The following STON1 variants were observed in gnomAD, a reference collection of about 807,000 sequenced individuals.
STON1 encodes the protein stonin-1.
A neutral mutation model predicts 60.9 loss-of-function variants in STON1; 79 were observed. The ratio of observed to expected loss-of-function variants is 1.30; its 90% confidence interval spans 1.08 to 1.56. STON1 has a LOEUF of 1.56. Among genes scored for constraint, STON1 ranks in the 40% most tolerant of loss-of-function variants. The pLI is 0.00. For synonymous variants in STON1, 363 were observed against 306.9 expected (o/e 1.18, Z -1.91); for missense variants, 1,166 against 858.9 (o/e 1.36, Z -4.47).
intron 1 of STON1, among the ~76,000 whole-genome samples, chr2:48,548,754 C>A (rs373407727): frequency 1.3e-5 from 2 of 152,130 alleles, no homozygotes; most frequent in Non-Finnish European, 1.5e-5. Flanking sequence ...CCTGCCTCAC[C>A]CTCCCAAAGT....
intron 2 of STON1, among the ~76,000 whole-genome samples, chr2:48,591,005 C>T (rs1242589133): frequency 6.6e-6 from 1 of 151,892 alleles, no homozygotes; most frequent in African/African-American, 2.4e-5. Context: ...TTTGAGTTAT[C>T]TGTAAATAGA....
chr2:48,555,370 G>GCTGAC (rs1672294702), intron 1 of STON1, among the ~76,000 whole-genome samples: 1 of 55,894 alleles, frequency 1.8e-5, no homozygotes, highest in Admixed American at 1.5e-4. Context: ...CGGGCAGAGG[G>GCTGAC]GCTCCTCACT....
chr2:48,542,570 C>T (rs570839097), intron 1 of STON1, among the ~76,000 whole-genome samples: 91 of 152,322 alleles, frequency 6.0e-4, no homozygotes, highest in Non-Finnish European at 1.1e-3. Flanking sequence ...ATTATCTCCA[C>T]TCTCCTATTC....
intron 1 of STON1, among the ~76,000 whole-genome samples, chr2:48,538,044 C>T (rs553273348): frequency 6.6e-6 from 1 of 151,752 alleles, no homozygotes; most frequent in East Asian, 2.0e-4. Flanking sequence ...ACCTCCGACT[C>T]CCGGGTTCAA....
intron 1 of STON1, among the ~76,000 whole-genome samples, chr2:48,542,786 C>A (rs1671705442): frequency 6.6e-6 from 1 of 152,010 alleles, no homozygotes; most frequent in African/African-American, 2.4e-5. Context: ...TGCGTGTAAT[C>A]CCAGCTACTC....
intron 1 of STON1, among the ~76,000 whole-genome samples, chr2:48,570,505 T>C (rs1673148498): frequency 6.6e-6 from 1 of 152,156 alleles, no homozygotes; most frequent in Non-Finnish European, 1.5e-5. Context: ...TCCCTAAATA[T>C]GGGGAGTGCT....
rs775881762 is a variant in STON1 at position 48,577,915 on chromosome 2, CA to C, written c.-47-2664del. ...ACAGGCATGAGCCACCGAGCCCGGCCAAAAAAAACCAAAAAAACAAAAAACC... is the reference window on the plus strand; with the variant it reads ...ACAGGCATGAGCCACCGAGCCCGGCCAAAAAAACCAAAAAAACAAAAAACC... On this transcript the variant is annotated intron_variant, in intron 1 of 3. Coordinates refer to ENST00000404752, the MANE Select transcript of STON1 (RefSeq NM_006873.4). 6.0e-5 allele frequency among the ~76,000 whole-genome samples: 9 copies of C among 149,218 alleles called. No homozygotes were observed. The East Asian group carries it at 1.2e-3, about 20-fold the overall frequency.
intron 1 of STON1, among the ~76,000 whole-genome samples, chr2:48,576,185 CTTTTTTTTTTTTTT>C (rs34849002): frequency 7.9e-5 from 5 of 63,062 alleles, no homozygotes; most frequent in Admixed American, 5.7e-4. Flanking sequence ...GTTTTCCTTT[CTTTTTTTTTTTTTT>C]TTTTTTTTTT....
intron 1 of STON1, among the ~76,000 whole-genome samples, chr2:48,540,198 T>A (rs1033448812): frequency 6.6e-6 from 1 of 152,182 alleles, no homozygotes; most frequent in Non-Finnish European, 1.5e-5. Flanking sequence ...TGTTCAGTGT[T>A]TTGAAGTGTT....
At chr2:48,554,307 C>T (rs1672220157) in intron 1 of STON1, among the ~76,000 whole-genome samples, 1 of 152,248 alleles carries the variant, frequency 6.6e-6, no homozygotes, top group Admixed American at 6.5e-5. Context: ...CTGCAACCTC[C>T]ACCTCCCTGG....
chr2:48,552,773 A>T (rs1672156569), intron 1 of STON1, among the ~76,000 whole-genome samples: 1 of 152,216 alleles, frequency 6.6e-6, no homozygotes, highest in South Asian at 2.1e-4. Context: ...CCATCTCAAA[A>T]AACAAATAAT....
intron 1 of STON1, among the ~76,000 whole-genome samples, chr2:48,561,139 T>A (rs1427292524): frequency 6.6e-6 from 1 of 152,192 alleles, no homozygotes; most frequent in African/African-American, 2.4e-5. Flanking sequence ...CCCTTGGTTT[T>A]CTCTCTGGAT....
intron 1 of STON1, among the ~76,000 whole-genome samples, chr2:48,562,377 C>T (rs924538541): frequency 6.6e-6 from 1 of 152,180 alleles, no homozygotes; most frequent in African/African-American, 2.4e-5. Flanking sequence ...GCAGGTTTGA[C>T]ACCGCCTTGC....
At chr2:48,560,804 G>A (rs896448856) in intron 1 of STON1, among the ~76,000 whole-genome samples, 4 of 152,246 alleles carry the variant, frequency 2.6e-5, no homozygotes, top group Admixed American at 2.0e-4. Context: ...CATCCATGCT[G>A]GGCAAGCAGG....
chr2:48,538,833 G>A (rs540388448), intron 1 of STON1, among the ~76,000 whole-genome samples: 2 of 145,796 alleles, frequency 1.4e-5, no homozygotes, highest in South Asian at 4.3e-4. Context: ...GGCCAGGCTG[G>A]TCTCGAACTT....
At chr2:48,587,415 C>T (rs988220595) in intron 2 of STON1, among the ~76,000 whole-genome samples, 1 of 152,164 alleles carries the variant, frequency 6.6e-6, no homozygotes, top group African/African-American at 2.4e-5. Context: ...GCCTCAGCCT[C>T]CCAAGTAGCT....
At chr2:48,546,758 G>T (rs1429103887) in intron 1 of STON1, among the ~76,000 whole-genome samples, 3 of 152,306 alleles carry the variant, frequency 2.0e-5, no homozygotes, top group Middle Eastern at 6.8e-3. Context: ...GAGATGGGGT[G>T]TCTTGCTATG....
chr2:48,543,312 TTGGGCGAATTTCC>T (rs1198336784), intron 1 of STON1, among the ~76,000 whole-genome samples: 1 of 152,028 alleles, frequency 6.6e-6, no homozygotes, highest in Non-Finnish European at 1.5e-5. Context: ...TAGATTTATT[TTGGGCGAATTTCC>T]TGAAACTTTT....
Position 48,581,668 on chromosome 2 carries a change from C to T in STON1, c.1035C>T (p.His345=), listed in dbSNP as rs1253214423. The change falls in exon 2 of 4, where the codon CAC becomes CAT. Residue 345 remains histidine (H), a synonymous_variant. Transcript: ENST00000404752. ...VENFSVAGKI[H]TVKIEHVSYT... ...ACTTCAGTGTAGCAGGAAAAATCCA[C>T]ACTGTGAAGATTGAACATGTGTCTT... The T allele has an allele frequency of 6.2e-6, 10 of 1,613,680 alleles. No individual in the cohort carries two copies. The highest frequency in any genetic ancestry group is 8.5e-6 in the Non-Finnish European group (10 of 1,179,912).
Sources: allele counts gnomAD v4.1 joint callset (sites outside exome capture counted in the v4.1 genomes callset), GRCh38; gene constraint gnomAD v4.1.1; transcripts MANE v1.5; gene names NCBI Gene and HGNC (gene_info 2026-07-23, HGNC 2026-07-21).